NDE1: variants seen among roughly 807,000 people sequenced by gnomAD.
NDE1 encodes nuclear distribution protein nudE homolog 1.
In NDE1, 28 loss-of-function variants were observed where a neutral mutation model predicts 43.4. The ratio of observed to expected loss-of-function variants is 0.65; its 90% CI spans 0.48 to 0.89. NDE1 has a LOEUF of 0.89. Ranked by LOEUF, NDE1 falls within the 40% of genes least tolerant of loss-of-function variation. The pLI is 0.00. For synonymous variants in NDE1, 184 were observed against 172.0 expected (o/e 1.07, Z -0.55); for missense variants, 441 against 434.1 (o/e 1.02, Z -0.14).
chr16:15,701,941 A>C (rs1183210654), intron 8 of NDE1: 1 of 152,206 alleles, frequency 6.6e-6, no homozygotes, highest in Admixed American at 6.5e-5. Flanking sequence ...CTTCTGGTCA[A>C]AGAGGCTTTG....
intron 8 of NDE1, chr16:15,708,955 CT>C: frequency 8.7e-7 from 1 of 1,145,962 alleles, no homozygotes; most frequent in Non-Finnish European, 1.3e-6. Flanking sequence ...TAAAGGCACT[CT>C]TTTTTATTTT....
intron 7 of NDE1, chr16:15,695,435 G>T: frequency 1.1e-6 from 1 of 927,976 alleles, no homozygotes; most frequent in Non-Finnish European, 1.3e-6. Context: ...TTGAATCCGG[G>T]AGGCGGAGGT....
chr16:15,660,766 T>C lies in NDE1; in HGVS notation c.-43-3970T>C, dbSNP rs565389723. Among the ~76,000 whole-genome samples, 33 of 152,292 alleles carry C rather than the reference T, an allele frequency of 2.2e-4. No homozygotes were observed. The South Asian group carries it at 5.4e-3, about 25-fold the overall frequency. ...GCCCTTATCTTCCCTGCTTCTCTGT[T>C]GCATCCTTGTGACACTGGAATGTTT... On this transcript the variant is annotated intron_variant, in intron 1 of 8. Transcript: ENST00000396354.
chr16:15,724,594 G>C lies in NDE1; in HGVS notation c.*343G>C. The C allele has an allele frequency of 6.2e-7, 1 of 1,611,804 alleles. No homozygotes were observed. The highest frequency in any genetic ancestry group is 8.5e-7 in the Non-Finnish European group (1 of 1,179,168). ...CGCGATCTGCCTGCGGGGGATCTCA[G>C]CGCAGAGAAGTTGAGAGGACCCATG... On this transcript the variant is annotated 3_prime_UTR_variant, in exon 9 of 9. Coordinates refer to ENST00000396354, the MANE Select transcript of NDE1 (RefSeq NM_017668.3).
rs141184241 is a variant in NDE1, at chr16:15,724,694, C to T, written c.*443C>T. 75 of 1,614,096 alleles carry T rather than the reference C, an allele frequency of 4.6e-5. No individual in the cohort carries two copies. The highest frequency in any genetic ancestry group is 6.0e-5 in the Non-Finnish European group (71 of 1,180,034). On this transcript the variant is annotated 3_prime_UTR_variant, in exon 9 of 9. Coordinates refer to ENST00000396354, the MANE Select transcript of NDE1 (RefSeq NM_017668.3). ...TGGCGCTCCAGGTTCTGCTTGGCCT[C>T]CATCTCCTCGTCCAGCTGGTCTTGC... is the stretch of plus-strand genomic sequence containing the variant.
At chr16:15,649,677 C>T (rs566772358), upstream of NDE1, among the ~76,000 whole-genome samples, 6 of 152,256 alleles carry the variant, frequency 3.9e-5, no homozygotes, top group South Asian at 8.3e-4. Flanking sequence ...AACAACTTTC[C>T]CAAGACCACA....
At chr16:15,707,348 G>A (rs531207121) in intron 8 of NDE1, among the ~76,000 whole-genome samples, 113 of 152,224 alleles carry the variant, frequency 7.4e-4, no homozygotes, top group African/African-American at 2.6e-3. Context: ...GATTCTATTC[G>A]TGGACTCAGC....
chr16:15,721,765 A>G lies in NDE1; in HGVS notation c.948-2426A>G, dbSNP rs113153833. The G allele has an allele frequency of 2.9e-3, 2,544 of 887,152 alleles. 52 individuals are homozygous for G. The African/African-American group carries it at 0.036, about 13-fold the overall frequency. The allele number at this position is 887,152 out of a possible 1,614,324, so 55.0% of individuals were successfully genotyped here. A position where few individuals can be genotyped will look rare whatever the true frequency, so the allele number is the denominator to read the frequency against. ...CAGGTGTAAGCAGTGTAGGTTAGCT[A>G]TGGGAGTAATTTATATAATCATCTG... On this transcript the variant is annotated intron_variant, in intron 8 of 8. Transcript: ENST00000396354.
rs185720909 is a variant in NDE1, at chr16:15,724,919, G to A, written c.*668G>A. 161 of 1,614,112 alleles carry A rather than the reference G, an allele frequency of 1.0e-4. 1 individual carries two copies. The highest frequency in any genetic ancestry group is 8.2e-4 in the Admixed American group (49 of 60,020). On this transcript the variant is annotated 3_prime_UTR_variant, in exon 9 of 9. Coordinates refer to ENST00000396354, the MANE Select transcript of NDE1 (RefSeq NM_017668.3). ...GTCCTGGAGCTGGGAACTGAGGGAC[G>A]CCACGTCCTTGGCCAGCTTAATGGC... is the stretch of plus-strand genomic sequence containing the variant.
chr16:15,695,718 A>T (rs1483890058), intron 7 of NDE1: 1 of 985,026 alleles, frequency 1.0e-6, no homozygotes, highest in African/African-American at 1.7e-5. Context: ...AGAAGCTTGC[A>T]ACTCATTTCT....
At chr16:15,682,483 T>G (rs1014895119) in intron 4 of NDE1, among the ~76,000 whole-genome samples, 2 of 152,230 alleles carry the variant, frequency 1.3e-5, no homozygotes, top group Non-Finnish European at 1.5e-5. Flanking sequence ...GCTGTTTGAT[T>G]GCTCTCATGG....
intron 7 of NDE1, 168 bp downstream of exon 7, chr16:15,694,424 C>A: frequency 6.8e-7 from 1 of 1,479,928 alleles, no homozygotes; most frequent in East Asian, 2.5e-5. Context: ...CAACTCACTG[C>A]AGCCTCAAAA....
At position 15,696,391 on chromosome 16, in the gene NDE1, A is replaced by C. The variant is rs554389494; in HGVS notation, c.796-318A>C. Among the ~76,000 whole-genome samples, 427 of 141,474 alleles carry C rather than the reference A, an allele frequency of 3.0e-3. No individual in the cohort carries two copies. Among genetic ancestry groups the C allele is most frequent in the African/African-American group, 0.011 (371 of 32,992 alleles). The allele number at this position is 141,474 out of a possible 152,430, so 92.8% of individuals were successfully genotyped here. A position where few individuals can be genotyped will look rare whatever the true frequency, so the allele number is the denominator to read the frequency against. The stretch of plus-strand genomic sequence containing the variant: ...TAAAAAAGTAAAAAACAAAACAAAA[A>C]AAAAAACTGAGATGGGATCTTACTT... On this transcript the variant is annotated intron_variant, in intron 7 of 8. Coordinates refer to ENST00000396354, the MANE Select transcript of NDE1 (RefSeq NM_017668.3).
At chr16:15,691,465 G>A in intron 6 of NDE1, 142 bp downstream of exon 6, 2 of 977,836 alleles carry the variant, frequency 2.0e-6, no homozygotes, top group Non-Finnish European at 3.1e-6. Flanking sequence ...AGAGTAGACT[G>A]GGATGTTCTT....
Position 15,719,843 on chromosome 16 carries a change from G to A in NDE1, c.948-4348G>A, listed in dbSNP as rs989280747. ...CCACAAAGAAGTTCCCATTGCACGA[G>A]CATGGCTCTCAGTTCCAGGTGGCTG... On this transcript the variant is annotated intron_variant, in intron 8 of 8. Transcript: ENST00000396354. The A allele has an allele frequency of 8.2e-6, 11 of 1,342,202 alleles. 1 individual carries two copies. The Admixed American group carries it at 1.6e-4, about 20-fold the overall frequency. 83.1% of individuals were successfully genotyped at this position (1,342,202 alleles called of 1,614,324 possible).
chr16:15,650,338 G>A, intron 1 of NDE1, 44 bp downstream of exon 1: 1 of 231,130 alleles, frequency 4.3e-6, no homozygotes, highest in South Asian at 3.7e-5. Flanking sequence ...GTGGCTGTCC[G>A]GGGACCTCCA....
intron 8 of NDE1, among the ~76,000 whole-genome samples, chr16:15,723,774 T>C (rs1460883281): frequency 6.6e-6 from 1 of 152,220 alleles, no homozygotes; most frequent in Non-Finnish European, 1.5e-5. Context: ...GAATGAAATC[T>C]TAGGGAAGAG....
chr16:15,723,091 CAT>C (rs2040570744), intron 8 of NDE1, among the ~76,000 whole-genome samples: 1 of 152,124 alleles, frequency 6.6e-6, no homozygotes, highest in Non-Finnish European at 1.5e-5. Flanking sequence ...TAAACTAAAT[CAT>C]ATTTACTAAA....
intron 1 of NDE1, among the ~76,000 whole-genome samples, chr16:15,663,700 A>C (rs1052931300): frequency 6.6e-6 from 1 of 152,224 alleles, no homozygotes; most frequent in Non-Finnish European, 1.5e-5. Flanking sequence ...TGTATACTCA[A>C]ATATATGCAA....
Sources: gnomAD v4.1 joint callset for allele counts (sites outside exome capture counted in the v4.1 genomes callset) on GRCh38, gnomAD v4.1.1 for gene constraint, MANE v1.5 for transcripts, NCBI Gene and HGNC (gene_info 2026-07-23, HGNC 2026-07-21) for gene names.